Variants in CXCR5 observed in about 807,000 individuals in gnomAD.
CXCR5 encodes the protein C-X-C motif chemokine receptor 5.
CXCR5 carries 3 observed loss-of-function variants against 5.6 expected under a neutral mutation model. The ratio of observed to expected loss-of-function variants is 0.54; its 90% CI spans 0.24 to 1.39. CXCR5 has a LOEUF of 1.39. CXCR5 is among the 40% of genes most tolerant of loss of function. The pLI is 0.16. For synonymous variants in CXCR5, 218 were observed against 219.9 expected (o/e 0.99, Z 0.08); for missense variants, 333 against 494.6 (o/e 0.67, Z 3.10).
rs537787473 is a variant in CXCR5, at chr11:118,893,739, C to G, written c.195C>G (p.Gly65=). 1.9e-6 allele frequency: 3 copies of G among 1,614,218 alleles called. No homozygotes were observed. In the South Asian group the frequency reaches 3.3e-5, roughly 18 times the overall value. The change falls in exon 2 of 2, where the codon GGC becomes GGG. Residue 65 remains glycine (G), a synonymous_variant. Coordinates refer to ENST00000292174, the MANE Select transcript of CXCR5 (RefSeq NM_001716.5). The surrounding 1 kb of genome is among the most constrained non-coding windows in gnomAD (Gnocchi z 5.7). ...CCTACAGCCTCATCTTCCTCCTGGG[C>G]GTGATCGGCAACGTCCTGGTGCTGG... ...PVAYSLIFLL[G]VIGNVLVLVI... is the part of the protein sequence containing the mutation.
chr11:118,890,118 A>G (rs1939785413), intron 1 of CXCR5, among the ~76,000 whole-genome samples: 1 of 152,242 alleles, frequency 6.6e-6, no homozygotes, highest in South Asian at 2.1e-4. Flanking sequence ...TATTGGAAAT[A>G]GCTCCCAATA....
chr11:118,895,869 C>T lies in CXCR5; in HGVS notation c.*1206C>T, dbSNP rs1017805919. 1.2e-5 allele frequency: 2 copies of T among 167,056 alleles called. No individual in the cohort carries two copies. The highest frequency in any genetic ancestry group is 4.8e-5 in the African/African-American group (2 of 41,444). The allele number at this position is 167,056 out of a possible 1,614,324, so 10.3% of individuals were successfully genotyped here. On this transcript the variant is annotated 3_prime_UTR_variant, in exon 2 of 2. Coordinates refer to ENST00000292174, the MANE Select transcript of CXCR5 (RefSeq NM_001716.5). The surrounding 1 kb of genome is among the most constrained non-coding windows in gnomAD (Gnocchi z 4.2). ...TTGCTCACCTGGGGTGTGGGAGGCC[C>T]GTCCGGCAGTTCTGGGTGCTCCCTA...
Position 118,893,416 on chromosome 11 carries a change from T to C in CXCR5, c.52-180T>C. The C allele has an allele frequency of 1.0e-6, 1 of 985,454 alleles. No individual in the cohort carries two copies. The highest frequency in any genetic ancestry group is 4.7e-5 in the South Asian group (1 of 21,294). 61.0% of individuals were successfully genotyped at this position (985,454 alleles called of 1,614,324 possible). A position where few individuals can be genotyped will look rare whatever the true frequency, so the allele number is the denominator to read the frequency against. ...ACCACTCTAAGGAATGCGGTCCCTT[T>C]GACAGGCGAAAAACTGAAGTTGGAA... On this transcript the variant is annotated intron_variant, in intron 1 of 1. Transcript: ENST00000292174. This position sits in a 1 kb window ranked among gnomAD's most constrained non-coding sequence, Gnocchi z 5.7.
At chr11:118,888,187 C>T (rs1006936059) in intron 1 of CXCR5, among the ~76,000 whole-genome samples, 6 of 152,168 alleles carry the variant, frequency 3.9e-5, no homozygotes, top group African/African-American at 1.2e-4. Flanking sequence ...TCTCTTCCCA[C>T]ACACTTGGGC....
chr11:118,894,737 C>G lies in CXCR5; in HGVS notation c.*74C>G. On this transcript the variant is annotated 3_prime_UTR_variant, in exon 2 of 2. Coordinates refer to ENST00000292174, the MANE Select transcript of CXCR5 (RefSeq NM_001716.5). The surrounding 1 kb of genome is among the most constrained non-coding windows in gnomAD (Gnocchi z 6.1). Reference sequence around the variant, plus strand: ...TGCTGGATGCTCCTTCCAACAGGAGCTGGGATCCTAAGGGCTCACCGTGGC... The same window carrying G: ...TGCTGGATGCTCCTTCCAACAGGAGGTGGGATCCTAAGGGCTCACCGTGGC... 1 of 1,432,458 alleles carries G rather than the reference C, an allele frequency of 7.0e-7. No individual in the cohort carries two copies. The highest frequency in any genetic ancestry group is 2.5e-5 in the Admixed American group (1 of 39,660). The allele number at this position is 1,432,458 out of a possible 1,614,324, so 88.7% of individuals were successfully genotyped here. A position where few individuals can be genotyped will look rare whatever the true frequency, so the allele number is the denominator to read the frequency against.
intron 1 of CXCR5, chr11:118,886,235 C>T: frequency 2.4e-6 from 1 of 415,626 alleles, no homozygotes; most frequent in Non-Finnish European, 4.6e-6. Context: ...GCTTCCTATT[C>T]TCCTCCTTGT....
chr11:118,892,788 T>A (rs953628186), intron 1 of CXCR5, among the ~76,000 whole-genome samples: 5 of 152,056 alleles, frequency 3.3e-5, no homozygotes, highest in Non-Finnish European at 7.4e-5. Flanking sequence ...AGTCTCCCCG[T>A]GTCGCCCTCA....
intron 1 of CXCR5, among the ~76,000 whole-genome samples, chr11:118,889,472 T>G (rs934785691): frequency 6.6e-6 from 1 of 152,220 alleles, no homozygotes; most frequent in Non-Finnish European, 1.5e-5. Flanking sequence ...ATTGGAGGGC[T>G]TCCTTCAGCA....
At chr11:118,885,060 G>A (rs921834445) in intron 1 of CXCR5, among the ~76,000 whole-genome samples, 2 of 152,102 alleles carry the variant, frequency 1.3e-5, no homozygotes, top group Admixed American at 6.5e-5. Context: ...CTGCTCCCCC[G>A]GCTGGAGTGG....
rs368083006 is a variant in CXCR5, at chr11:118,893,706, G to A, written c.162G>A (p.Val54=). The A allele has an allele frequency of 1.9e-6, 3 of 1,614,048 alleles. No individual in the cohort carries two copies. The African/African-American group carries it at 4.0e-5, about 22-fold the overall frequency. Residue 54 remains valine (V), a synonymous_variant, in exon 2 of 2, where the codon GTG becomes GTA. Coordinates refer to ENST00000292174, the MANE Select transcript of CXCR5 (RefSeq NM_001716.5). This position sits in a 1 kb window ranked among gnomAD's most constrained non-coding sequence, Gnocchi z 5.7. ...TGGCCTCCTTCAAGGCCGTGTTCGT[G>A]CCCGTGGCCTACAGCCTCATCTTCC... is the stretch of plus-strand genomic sequence containing the variant. ...PLMASFKAVF[V]PVAYSLIFLL... is the part of the protein sequence containing the mutation.
chr11:118,889,888 G>C (rs1228772622), intron 1 of CXCR5, among the ~76,000 whole-genome samples: 1 of 152,168 alleles, frequency 6.6e-6, no homozygotes, highest in Non-Finnish European at 1.5e-5. Context: ...ATCTTTGAAG[G>C]GCAAGAACTT....
chr11:118,894,555 G>A lies in CXCR5; in HGVS notation c.1011G>A (p.Leu337=). The A allele has an allele frequency of 6.4e-7, 1 of 1,564,964 alleles. No homozygotes were observed. Residue 337 remains leucine, a synonymous_variant, in exon 2 of 2, where the codon CTG becomes CTA. Coordinates refer to ENST00000292174, the MANE Select transcript of CXCR5 (RefSeq NM_001716.5). This position sits in a 1 kb window ranked among gnomAD's most constrained non-coding sequence, Gnocchi z 6.1. ...VKFRSDLSRL[L]TKLGCTGPAS... ...TCCGCAGTGACCTGTCGCGGCTCCT[G>A]ACGAAGCTGGGCTGTACCGGCCCTG... is the stretch of plus-strand genomic sequence containing the variant.
In CXCR5 at chr11:118,897,317, G is replaced by C. The variant is rs996681105; in HGVS notation, c.*2654G>C. ...CACCCCTTCCATGGCTCCACTCAAG[G>C]GGGCCACACAGCCACCGCCTCTTCC... On this transcript the variant is annotated 3_prime_UTR_variant, in exon 2 of 2. Coordinates refer to ENST00000292174, the MANE Select transcript of CXCR5 (RefSeq NM_001716.5). 5.9e-6 allele frequency: 1 copy of C among 170,246 alleles called. No homozygotes were observed. Among genetic ancestry groups the C allele is most frequent in the Admixed American group, 5.7e-5 (1 of 17,658 alleles). The allele number at this position is 170,246 out of a possible 1,614,324, so 10.5% of individuals were successfully genotyped here. A position where few individuals can be genotyped will look rare whatever the true frequency, so the allele number is the denominator to read the frequency against.
In CXCR5 at chr11:118,893,914, A is replaced by G. The variant is rs780599441; in HGVS notation, c.370A>G (p.Thr124Ala). The G allele has an allele frequency of 7.4e-6, 12 of 1,613,712 alleles. No homozygotes were observed. In the Admixed American group the frequency reaches 1.8e-4, roughly 25 times the overall value. Residue 124 changes from threonine (T) to alanine (A), a missense_variant, in exon 2 of 2, where the codon ACT becomes GCT. Physicochemically the swap from Thr to Ala is moderately conservative, Grantham distance 58. Coordinates refer to ENST00000292174, the MANE Select transcript of CXCR5 (RefSeq NM_001716.5). The surrounding 1 kb of genome is among the most constrained non-coding windows in gnomAD (Gnocchi z 5.7). ...GGTCCTGGGGACCTTCCTCTGCAAA[A>G]CTGTGATTGCCCTGCACAAAGTCAA... ...GWVLGTFLCKTVIALHKVNFY... is the reference protein window; with the variant it reads ...GWVLGTFLCKAVIALHKVNFY...
chr11:118,893,526 G>A lies in CXCR5; in HGVS notation c.52-70G>A. On this transcript the variant is annotated intron_variant, in intron 1 of 1. Coordinates refer to ENST00000292174, the MANE Select transcript of CXCR5 (RefSeq NM_001716.5). The surrounding 1 kb of genome is among the most constrained non-coding windows in gnomAD (Gnocchi z 5.7). ...TATGTAGGAAAAAACCTCCAAGAGA[G>A]CTAGGGTTCCTCTCAGAGAGGAAAG... 6.6e-7 allele frequency: 1 copy of A among 1,507,930 alleles called. No homozygotes were observed. The highest frequency in any genetic ancestry group is 8.9e-7 in the Non-Finnish European group (1 of 1,127,466). 93.4% of individuals were successfully genotyped at this position (1,507,930 alleles called of 1,614,324 possible).
intron 1 of CXCR5, among the ~76,000 whole-genome samples, chr11:118,884,438 A>G (rs545591110): frequency 1.3e-5 from 2 of 150,058 alleles, no homozygotes; most frequent in Admixed American, 6.6e-5. Context: ...TGATTATGTC[A>G]TCAGGGCACT....
At chr11:118,884,176 A>G (rs1209516579) in intron 1 of CXCR5, among the ~76,000 whole-genome samples, 184 bp downstream of exon 1, 1 of 152,174 alleles carries the variant, frequency 6.6e-6, no homozygotes, top group South Asian at 2.1e-4. Flanking sequence ...GAAGAAGCAG[A>G]TAAGGAGAGC....
chr11:118,885,572 C>T (rs988200624), intron 1 of CXCR5, among the ~76,000 whole-genome samples: 2 of 152,204 alleles, frequency 1.3e-5, no homozygotes, highest in Non-Finnish European at 2.9e-5. Flanking sequence ...GGTTACTGGG[C>T]GTCTTCCTCT....
chr11:118,891,295 T>C (rs988951235), intron 1 of CXCR5, among the ~76,000 whole-genome samples: 2 of 152,120 alleles, frequency 1.3e-5, no homozygotes, highest in Non-Finnish European at 2.9e-5. Flanking sequence ...CCAGGAGTTC[T>C]GAAATTTAGC....
Sources: gnomAD v4.1 joint callset for allele counts (sites outside exome capture counted in the v4.1 genomes callset) on GRCh38, gnomAD v4.1.1 for gene constraint, Gnocchi (gnomAD v3.1) non-coding constraint, MANE v1.5 for transcripts, NCBI Gene and HGNC (gene_info 2026-07-23, HGNC 2026-07-21) for gene names.